PPP3CA: variants seen among roughly 807,000 people sequenced by gnomAD.
PPP3CA encodes protein phosphatase 3 catalytic subunit alpha, also known as CAM-PRP catalytic subunit.
PPP3CA carries 14 observed loss-of-function variants against 66.5 expected under a neutral mutation model. That is an observed-to-expected ratio of 0.21 (90% confidence interval 0.14 to 0.33). The LOEUF (loss-of-function observed/expected upper bound fraction) is 0.33. PPP3CA is among the 10% of genes least tolerant of loss of function. The probability of loss-of-function intolerance (pLI) is 1.00; values close to 1 mark genes in which losing one functional copy is unlikely to be tolerated. For missense variants in PPP3CA, 317 were observed against 639.5 expected, an observed-to-expected ratio of 0.50 and a Z score of 5.44; for synonymous variants, 232 against 226.2, an observed-to-expected ratio of 1.03 and a Z score of -0.23.
intron 2 of PPP3CA, among the ~76,000 whole-genome samples, chr4:101,140,261 T>C (rs1356062727): frequency 6.6e-6 from 1 of 152,206 alleles, no homozygotes; most frequent in Non-Finnish European, 1.5e-5. Flanking sequence ...CAATTTACTC[T>C]TCAAATTAAA....
chr4:101,096,245 T>TC (rs1377176799), intron 5 of PPP3CA, among the ~76,000 whole-genome samples: 4 of 152,230 alleles, frequency 2.6e-5, no homozygotes, highest in African/African-American at 9.6e-5. Flanking sequence ...AAATAATTTT[T>TC]CTCTAAAAAC....
chr4:101,245,045 A>C (rs1726433836), intron 1 of PPP3CA, among the ~76,000 whole-genome samples: 5 of 152,192 alleles, frequency 3.3e-5, no homozygotes, highest in Admixed American at 3.3e-4. Flanking sequence ...ATCTTGTGAA[A>C]TTTAATGAGA....
chr4:101,095,932 G>A (rs1289627046), intron 5 of PPP3CA, among the ~76,000 whole-genome samples: 1 of 152,140 alleles, frequency 6.6e-6, no homozygotes, highest in Admixed American at 6.5e-5. Context: ...TTACAGGCGT[G>A]AGGCACCATG....
intron 2 of PPP3CA, among the ~76,000 whole-genome samples, chr4:101,192,189 C>A (rs1226430916): frequency 6.6e-6 from 1 of 152,136 alleles, no homozygotes; most frequent in African/African-American, 2.4e-5. Flanking sequence ...GTTTTAAATA[C>A]AAACTAATCA....
At chr4:101,170,564 G>GA (rs57756762) in intron 2 of PPP3CA, among the ~76,000 whole-genome samples, 3,740 of 146,306 alleles carry the variant, frequency 0.026, 61 homozygotes, top group Non-Finnish European at 0.033. Flanking sequence ...GGTGAGAGGT[G>GA]AAAAAAAAAA....
intron 10 of PPP3CA, among the ~76,000 whole-genome samples, chr4:101,052,636 T>C (rs1306215112): frequency 1.3e-5 from 2 of 151,968 alleles, no homozygotes; most frequent in Admixed American, 6.6e-5. Context: ...ATTTAGTCTT[T>C]TAAAAATATT....
intron 9 of PPP3CA, 116 bp downstream of exon 9, chr4:101,063,116 T>C: frequency 7.7e-7 from 1 of 1,295,170 alleles, no homozygotes. Flanking sequence ...TCTTTCATTG[T>C]ACAACTTGTG....
chr4:101,323,781 T>C (rs1260070772), intron 1 of PPP3CA, among the ~76,000 whole-genome samples: 1 of 152,176 alleles, frequency 6.6e-6, no homozygotes, highest in Non-Finnish European at 1.5e-5. Context: ...ATAACAACTC[T>C]ATAGGTAGCT....
At chr4:101,124,751 G>T (rs1336989366) in intron 2 of PPP3CA, among the ~76,000 whole-genome samples, 1 of 120,960 alleles carries the variant, frequency 8.3e-6, no homozygotes, top group African/African-American at 3.7e-5. Flanking sequence ...AAGAAAGAAA[G>T]AAAGAAAGAA....
chr4:101,333,638 T>A (rs60984918), intron 1 of PPP3CA, among the ~76,000 whole-genome samples: 16,142 of 152,096 alleles, frequency 0.11, 2,917 homozygotes, highest in African/African-American at 0.37. Context: ...GCCTCTTGTC[T>A]TTGATAACAC....
In PPP3CA at chr4:101,124,463, A is replaced by G. The variant is rs538323491; in HGVS notation, c.260-15385T>C. 8.6e-5 allele frequency among the ~76,000 whole-genome samples: 13 copies of G among 151,884 alleles called. No individual in the cohort carries two copies. In the East Asian group the frequency reaches 1.4e-3, roughly 16 times the overall value. ...ATATGGTGAAACTCCGTCTCTACTA[A>G]AACAATACAAAAATTAGCCAGGCAT... is the stretch of plus-strand genomic sequence containing the variant. On this transcript the variant is annotated intron_variant, in intron 2 of 13. Transcript: ENST00000394854.
In PPP3CA at chr4:101,165,981, T is replaced by C. The variant is rs568076479; in HGVS notation, c.259+29935A>G. The stretch of plus-strand genomic sequence containing the variant: ...ACTTGCTAAATCAGTTAAGTAAAAA[T>C]TTAAGTCATAAGGGATCAATTAGAA... On this transcript the variant is annotated intron_variant, in intron 2 of 13. Coordinates refer to ENST00000394854, the MANE Select transcript of PPP3CA (RefSeq NM_000944.5). Among the ~76,000 whole-genome samples the C allele has an allele frequency of 3.9e-5, 6 of 152,214 alleles. No individual in the cohort carries two copies. The South Asian group carries it at 1.2e-3, about 32-fold the overall frequency.
At chr4:101,176,499 C>T (rs1223034638) in intron 2 of PPP3CA, among the ~76,000 whole-genome samples, 1 of 152,154 alleles carries the variant, frequency 6.6e-6, no homozygotes, top group Non-Finnish European at 1.5e-5. Flanking sequence ...CTGTGAGTGG[C>T]AGTGCCTGAC....
chr4:101,330,548 C>G (rs1729351457), intron 1 of PPP3CA: 5 of 440,154 alleles, frequency 1.1e-5, no homozygotes, highest in Non-Finnish European at 1.8e-5. Flanking sequence ...CTATTGCACA[C>G]TTAACAGACT....
intron 1 of PPP3CA, among the ~76,000 whole-genome samples, chr4:101,326,740 G>C (rs1344874342): frequency 6.6e-6 from 1 of 152,202 alleles, no homozygotes; most frequent in Non-Finnish European, 1.5e-5. Flanking sequence ...ACCACTTCTA[G>C]CTGCTATACT....
At chr4:101,323,253 C>T (rs943723935) in intron 1 of PPP3CA, among the ~76,000 whole-genome samples, 4 of 152,038 alleles carry the variant, frequency 2.6e-5, no homozygotes, top group African/African-American at 4.8e-5. Flanking sequence ...TCAAATAGAG[C>T]GAAACTATAA....
intron 4 of PPP3CA, among the ~76,000 whole-genome samples, chr4:101,099,112 T>G (rs538774154): frequency 6.6e-6 from 1 of 152,132 alleles, no homozygotes; most frequent in Non-Finnish European, 1.5e-5. Flanking sequence ...TTTGTAAGAT[T>G]CAGTGAATAA....
At chr4:101,331,892 C>A (rs112221253) in intron 1 of PPP3CA, among the ~76,000 whole-genome samples, 1 of 152,082 alleles carries the variant, frequency 6.6e-6, no homozygotes, top group African/African-American at 2.4e-5. Context: ...AGAGTTCCTG[C>A]AAACCAGTAA....
chr4:101,080,422 T>A (rs1352449858), intron 8 of PPP3CA, 110 bp downstream of exon 8: 11 of 498,438 alleles, frequency 2.2e-5, no homozygotes, highest in African/African-American at 1.6e-4. Context: ...ACTGAAAAAA[T>A]TTTAAAAAAA....
Sources: gnomAD v4.1 joint callset for allele counts (sites outside exome capture counted in the v4.1 genomes callset) on GRCh38, gnomAD v4.1.1 for gene constraint, MANE v1.5 for transcripts, NCBI Gene and HGNC (gene_info 2026-07-23, HGNC 2026-07-21) for gene names.